GABRB1: variants seen among roughly 807,000 people sequenced by gnomAD.
GABRB1 encodes gamma-aminobutyric acid receptor subunit beta-1.
Under a neutral mutation model 51.6 loss-of-function variants are expected in GABRB1, and 17 were observed. The ratio of observed to expected loss-of-function variants is 0.33; its 90% CI spans 0.23 to 0.49. The LOEUF is 0.49. Ranked by LOEUF, GABRB1 falls within the 20% of genes least tolerant of loss-of-function variation. GABRB1 has a pLI of 0.99. For missense variants in GABRB1, 410 were observed against 600.6 expected (o/e 0.68, Z 3.32); for synonymous variants, 247 against 218.9 (o/e 1.13, Z -1.14).
chr4:47,156,847 A>G (rs1385635189), intron 3 of GABRB1, among the ~76,000 whole-genome samples: 1 of 152,056 alleles, frequency 6.6e-6, no homozygotes, highest in Non-Finnish European at 1.5e-5. Context: ...GAACACCTGT[A>G]ATCTCAGCTA....
chr4:47,049,648 G>C (rs1241368909), intron 3 of GABRB1, among the ~76,000 whole-genome samples: 1 of 152,118 alleles, frequency 6.6e-6, no homozygotes, highest in Non-Finnish European at 1.5e-5. Flanking sequence ...CCTCATGTAG[G>C]AATATCGTCT....
chr4:47,179,449 T>C (rs1387194281), intron 4 of GABRB1, among the ~76,000 whole-genome samples: 1 of 152,080 alleles, frequency 6.6e-6, no homozygotes, highest in Non-Finnish European at 1.5e-5. Flanking sequence ...CCCAAAGGAT[T>C]ATAAATCATT....
chr4:47,248,299 C>G (rs568804066), intron 4 of GABRB1, among the ~76,000 whole-genome samples: 1 of 152,060 alleles, frequency 6.6e-6, no homozygotes, highest in Admixed American at 6.5e-5. Flanking sequence ...GTTTTTAATT[C>G]TGTCAATGTG....
chr4:47,214,813 G>A (rs770680508), intron 4 of GABRB1, among the ~76,000 whole-genome samples: 8 of 152,072 alleles, frequency 5.3e-5, no homozygotes, highest in Non-Finnish European at 7.4e-5. Context: ...CAAGGCTAAC[G>A]AATGTTGTGG....
chr4:47,363,162 G>C (rs933197362), intron 5 of GABRB1, among the ~76,000 whole-genome samples: 1 of 152,108 alleles, frequency 6.6e-6, no homozygotes, highest in African/African-American at 2.4e-5. Context: ...GCCAGGTAGA[G>C]TGGTAAGCAC....
At chr4:47,195,421 TAGATA>T (rs1560580205) in intron 4 of GABRB1, among the ~76,000 whole-genome samples, 1 of 60,812 alleles carries the variant, frequency 1.6e-5, no homozygotes, top group Admixed American at 1.8e-4. Context: ...GATAGATAGA[TAGATA>T]GATAGATAGA....
At chr4:47,403,857 G>A in intron 7 of GABRB1, 146 bp downstream of exon 7, 1 of 733,034 alleles carries the variant, frequency 1.4e-6, no homozygotes, top group Non-Finnish European at 2.2e-6. Context: ...ACATCTAAAT[G>A]TAAGAATGTC....
intron 3 of GABRB1, among the ~76,000 whole-genome samples, chr4:47,142,757 A>G (rs1487177270): frequency 6.6e-6 from 1 of 151,930 alleles, no homozygotes; most frequent in Non-Finnish European, 1.5e-5. Context: ...GGATGTGGGA[A>G]GCATAGACAA....
At position 47,011,897 on chromosome 4, in the gene GABRB1, G is replaced by GA. The variant is rs202226996; in HGVS notation, c.-20+17979dup. Among the ~76,000 whole-genome samples, 603 of 151,404 alleles carry GA rather than the reference G, an allele frequency of 4.0e-3. 5 individuals carry two copies. Among genetic ancestry groups the GA allele is most frequent in the Non-Finnish European group, 6.1e-3 (414 of 67,814 alleles). ...TTTTAAAAAATATTTCCAAATACAGGAAAAAAAATCCCACAGTAGAATATG... is the reference window on the plus strand; with the variant it reads ...TTTTAAAAAATATTTCCAAATACAGGAAAAAAAAATCCCACAGTAGAATATG... On this transcript the variant is annotated intron_variant, in intron 1 of 3. Transcript: ENST00000513567.
At position 47,254,361 on chromosome 4, in the gene GABRB1, G is replaced by GGTTTTT. The variant is rs1305298443; in HGVS notation, c.462-65766_462-65765insGTTTTT. On this transcript the variant is annotated intron_variant, in intron 4 of 8. Coordinates refer to ENST00000295454, the MANE Select transcript of GABRB1 (RefSeq NM_000812.4). ...ATGGTGGATGATGTTTCTTTTCTTT[G>GGTTTTT]TTTTTTTTTTTTTTTTTTTTTTTTT... 8.6e-5 allele frequency among the ~76,000 whole-genome samples: 7 copies of GGTTTTT among 80,966 alleles called. 2 individuals carry two copies. The highest frequency in any genetic ancestry group is 3.8e-4 in the East Asian group (1 of 2,602). The allele number at this position is 80,966 out of a possible 152,430, so 53.1% of individuals were successfully genotyped here.
At chr4:47,230,401 T>C (rs1313255021) in intron 4 of GABRB1, among the ~76,000 whole-genome samples, 1 of 152,094 alleles carries the variant, frequency 6.6e-6, no homozygotes, top group Non-Finnish European at 1.5e-5. Flanking sequence ...TCCAAATTCA[T>C]GCACAGTAGT....
rs188860914 is a variant in GABRB1 at position 47,406,231 on chromosome 4, T to C, written c.836-451T>C. On this transcript the variant is annotated intron_variant, in intron 7 of 8. Transcript: ENST00000295454. Reference sequence around the variant, plus strand: ...CTGTAGATTCATGGGATGAAGTAGATCTCAAACTAGTCACCAGCTTTCAGT... The same window carrying C: ...CTGTAGATTCATGGGATGAAGTAGACCTCAAACTAGTCACCAGCTTTCAGT... 2.0e-4 allele frequency among the ~76,000 whole-genome samples: 30 copies of C among 152,304 alleles called. No individual in the cohort carries two copies. The East Asian group carries it at 5.4e-3, about 27-fold the overall frequency.
At chr4:47,068,858 T>C (rs4487315) in intron 3 of GABRB1, among the ~76,000 whole-genome samples, 12,606 of 152,282 alleles carry the variant, frequency 0.083, 561 homozygotes, top group South Asian at 0.17. Context: ...GATGCAGGCT[T>C]GCTACAAACC....
chr4:47,228,742 G>A (rs1721039418), intron 4 of GABRB1, among the ~76,000 whole-genome samples: 1 of 152,108 alleles, frequency 6.6e-6, no homozygotes, highest in African/African-American at 2.4e-5. Context: ...TCTGCAGGAT[G>A]ATCTCGAGCT....
chr4:47,232,351 A>G (rs1446633883), intron 4 of GABRB1, among the ~76,000 whole-genome samples: 2 of 152,276 alleles, frequency 1.3e-5, no homozygotes, highest in East Asian at 3.9e-4. Context: ...ATTTTTTACC[A>G]TTTTTTGGCT....
chr4:47,397,999 C>A (rs897585927), intron 5 of GABRB1, among the ~76,000 whole-genome samples: 2 of 152,114 alleles, frequency 1.3e-5, no homozygotes, highest in Non-Finnish European at 2.9e-5. Context: ...GTGAAACTTA[C>A]GATGTTGAGT....
At chr4:47,317,066 T>C (rs1024383483) in intron 4 of GABRB1, among the ~76,000 whole-genome samples, 37 of 151,994 alleles carry the variant, frequency 2.4e-4, no homozygotes, top group Non-Finnish European at 4.6e-4. Flanking sequence ...ACCATCATTG[T>C]AGCAGGATGT....
At chr4:47,083,532 T>A (rs1727940249) in intron 3 of GABRB1, among the ~76,000 whole-genome samples, 1 of 152,140 alleles carries the variant, frequency 6.6e-6, no homozygotes, top group Non-Finnish European at 1.5e-5. Context: ...TGAATGTGCA[T>A]CAAAACCTTT....
intron 3 of GABRB1, among the ~76,000 whole-genome samples, chr4:47,095,411 T>A (rs1257647096): frequency 6.6e-6 from 1 of 152,090 alleles, no homozygotes; most frequent in Non-Finnish European, 1.5e-5. Context: ...AGAGGAAAAG[T>A]ACTGTCCCTG....
Sources: gnomAD v4.1 joint callset for allele counts (sites outside exome capture counted in the v4.1 genomes callset) on GRCh38, gnomAD v4.1.1 for gene constraint, MANE v1.5 for transcripts, NCBI Gene and HGNC (gene_info 2026-07-23, HGNC 2026-07-21) for gene names.